ANK1: variants seen among roughly 807,000 people sequenced by gnomAD.
The protein encoded by ANK1 is ankyrin 1, also known as ankyrin-1.
Under a neutral mutation model 210.4 loss-of-function variants are expected in ANK1, and 51 were observed. The ratio of observed to expected loss-of-function variants is 0.24; its 90% CI spans 0.19 to 0.31. The LOEUF is 0.31. Ranked by LOEUF, ANK1 falls within the 10% of genes least tolerant of loss-of-function variation. The probability of loss-of-function intolerance (pLI) is 1.00; values close to 1 mark genes in which losing one functional copy is unlikely to be tolerated. For missense variants in ANK1, 2,051 were observed against 2,504.4 expected, an observed-to-expected ratio of 0.82 and a Z score of 3.86; for synonymous variants, 967 against 1,025.9, an observed-to-expected ratio of 0.94 and a Z score of 1.10.
intron 2 of ANK1, among the ~76,000 whole-genome samples, chr8:41,754,281 G>T (rs1299313706): frequency 6.6e-6 from 1 of 152,178 alleles, no homozygotes; most frequent in Non-Finnish European, 1.5e-5. Context: ...ATTCACATAA[G>T]GGGGTTCCTG....
At chr8:41,799,905 C>A (rs905075769), upstream of ANK1, among the ~76,000 whole-genome samples, 1 of 152,180 alleles carries the variant, frequency 6.6e-6, no homozygotes, top group African/African-American at 2.4e-5. Flanking sequence ...CCCTCAAATT[C>A]ACCCCTGGAA....
chr8:41,738,391 C>T (rs1162780271), intron 2 of ANK1, among the ~76,000 whole-genome samples: 2 of 152,124 alleles, frequency 1.3e-5, no homozygotes, highest in African/African-American at 4.8e-5. Context: ...TGGTGACAGC[C>T]ACAAGTCACC....
chr8:41,802,889 G>A (rs1850109428), intron 1 of ANK1, among the ~76,000 whole-genome samples: 1 of 137,094 alleles, frequency 7.3e-6, no homozygotes, highest in Non-Finnish European at 1.5e-5. Flanking sequence ...CTCCAGCCTG[G>A]GTAATGAGAA....
chr8:41,785,020 C>G (rs9886516), intron 1 of ANK1, among the ~76,000 whole-genome samples: 1,763 of 152,286 alleles, frequency 0.012, 43 homozygotes, highest in African/African-American at 0.04. Flanking sequence ...AGCCCTCGAG[C>G]CCCGGCTTCT....
In ANK1 at chr8:41,694,159, C is replaced by T. The variant is rs1530329; in HGVS notation, c.3328-57G>A. 78 of 1,548,908 alleles carry T rather than the reference C, an allele frequency of 5.0e-5. No homozygotes were observed. Among genetic ancestry groups the T allele is most frequent in the African/African-American group, 5.0e-4 (37 of 73,652 alleles). On this transcript the variant is annotated intron_variant, in intron 28 of 42. Transcript: ENST00000289734. This position sits in a 1 kb window ranked among gnomAD's most constrained non-coding sequence, Gnocchi z 5.7. Reference sequence around the variant, plus strand: ...CCAAGCAGGAGAGGGGCTAATCAGACGGGAGGCAGCTCCATGCCTGGTGAG... The same window carrying T: ...CCAAGCAGGAGAGGGGCTAATCAGATGGGAGGCAGCTCCATGCCTGGTGAG...
intron 1 of ANK1, among the ~76,000 whole-genome samples, chr8:41,812,152 G>A (rs920473990): frequency 6.6e-6 from 1 of 152,158 alleles, no homozygotes; most frequent in Non-Finnish European, 1.5e-5. Context: ...AAATCACTTC[G>A]TTATCATCAT....
Position 41,810,821 on chromosome 8 carries a change from C to T in ANK1, c.127-52684G>A, listed in dbSNP as rs554803999. Among the ~76,000 whole-genome samples, 8 of 152,298 alleles carry T rather than the reference C, an allele frequency of 5.3e-5. No individual in the cohort carries two copies. The South Asian group carries it at 1.4e-3, about 28-fold the overall frequency. On this transcript the variant is annotated intron_variant, in intron 1 of 42. Coordinates refer to the ANK1 transcript ENST00000265709. ...GAGAAACTTCCCACACCTGTCTCCCCGGGAATTCGGAGGCCAGGGTGTTTT... is the reference window on the plus strand; with the variant it reads ...GAGAAACTTCCCACACCTGTCTCCCTGGGAATTCGGAGGCCAGGGTGTTTT...
chr8:41,859,885 G>A (rs115924082), intron 1 of ANK1, among the ~76,000 whole-genome samples: 1,860 of 152,334 alleles, frequency 0.012, 45 homozygotes, highest in African/African-American at 0.043. Flanking sequence ...GCCCCAACCA[G>A]CTGGAAGAAT....
At chr8:41,656,678 T>C (rs1334576061) in intron 42 of ANK1, among the ~76,000 whole-genome samples, 1 of 152,144 alleles carries the variant, frequency 6.6e-6, no homozygotes, top group Non-Finnish European at 1.5e-5. Context: ...TGACAATCTC[T>C]TGGGCAGGGT....
At chr8:41,749,207 C>T (rs1281121531) in intron 2 of ANK1, among the ~76,000 whole-genome samples, 1 of 151,808 alleles carries the variant, frequency 6.6e-6, no homozygotes, top group East Asian at 1.9e-4. Context: ...TTGGTTAGCC[C>T]TAGTCTCTAG....
chr8:41,739,044 G>C (rs554904110), intron 2 of ANK1, among the ~76,000 whole-genome samples: 1 of 152,298 alleles, frequency 6.6e-6, no homozygotes, highest in East Asian at 1.9e-4. Flanking sequence ...ACACCAGTTC[G>C]CTAGAGTCTT....
chr8:41,663,626 T>A (rs755062097), intron 40 of ANK1, 33 bp downstream of exon 40: 14 of 1,598,252 alleles, frequency 8.8e-6, no homozygotes, highest in African/African-American at 1.3e-5. Context: ...CACCTGCCTC[T>A]CCCCAGCACA....
At chr8:41,798,182 T>C (rs1338684402), upstream of ANK1, among the ~76,000 whole-genome samples, 1 of 150,972 alleles carries the variant, frequency 6.6e-6, no homozygotes, top group Non-Finnish European at 1.5e-5. Flanking sequence ...GGCGCAGGAG[T>C]CCTTCTGGCC....
At position 41,888,824 on chromosome 8, in the gene ANK1, C is replaced by T. The variant is rs555017486; in HGVS notation, c.126+7531G>A. Among the ~76,000 whole-genome samples the T allele has an allele frequency of 4.6e-5, 7 of 152,254 alleles. No homozygotes were observed. The East Asian group carries it at 7.7e-4, about 17-fold the overall frequency. ...TGCACTCTGTGTTAACCTCAGGGCC[C>T]GGCGACGGAGTCCTCAGCTCCAAGA... On this transcript the variant is annotated intron_variant, in intron 1 of 42. Transcript: ENST00000265709.
At chr8:41,698,235 G>T in intron 23 of ANK1, 114 bp from the exon 24 acceptor site, 1 of 1,044,408 alleles carries the variant, frequency 9.6e-7, no homozygotes, top group Non-Finnish European at 1.5e-6. Flanking sequence ...GCCTGACTGC[G>T]CTTCACAACC....
chr8:41,889,554 T>G (rs925198970), intron 1 of ANK1, among the ~76,000 whole-genome samples: 2 of 152,276 alleles, frequency 1.3e-5, no homozygotes, highest in African/African-American at 4.8e-5. Flanking sequence ...GTGCTCTCTT[T>G]TTTTAATTGG....
chr8:41,887,741 T>C (rs1818712594), intron 1 of ANK1, among the ~76,000 whole-genome samples: 1 of 152,264 alleles, frequency 6.6e-6, no homozygotes, highest in Non-Finnish European at 1.5e-5. Context: ...TACAAGTGTA[T>C]ATTGTGTCAA....
chr8:41,665,410 T>G, intron 39 of ANK1: 1 of 620,114 alleles, frequency 1.6e-6, no homozygotes, highest in Non-Finnish European at 2.4e-6. Flanking sequence ...ACTGTGTGAG[T>G]GACACCCGCT....
At chr8:41,665,106 C>A in intron 39 of ANK1, 1 of 1,571,350 alleles carries the variant, frequency 6.4e-7, no homozygotes, top group Non-Finnish European at 8.6e-7. Context: ...TCCACTGGGA[C>A]TCCTGAGTCC....
Sources: allele counts gnomAD v4.1 joint callset (sites outside exome capture counted in the v4.1 genomes callset), GRCh38; gene constraint gnomAD v4.1.1; non-coding constraint Gnocchi (gnomAD v3.1); transcripts MANE v1.5; gene names NCBI Gene and HGNC (gene_info 2026-07-23, HGNC 2026-07-21).